ODAM: variants seen among roughly 807,000 people sequenced by gnomAD.
The protein encoded by ODAM is odontogenic, ameloblast associated, also known as odontogenic ameloblast-associated protein.
In ODAM, 55 loss-of-function variants were observed where a neutral mutation model predicts 48.5. The ratio of observed to expected loss-of-function variants is 1.13; its 90% CI spans 0.91 to 1.42. The LOEUF is 1.42. Among genes scored for constraint, ODAM ranks in the 40% most tolerant of loss-of-function variants. The probability of loss-of-function intolerance (pLI) is 0.00; values close to 1 mark genes in which losing one functional copy is unlikely to be tolerated. For missense variants in ODAM, 353 were observed against 323.6 expected, an observed-to-expected ratio of 1.09 and a Z score of -0.70; for synonymous variants, 127 against 107.8, an observed-to-expected ratio of 1.18 and a Z score of -1.10.
chr4:70,198,450 G>A, intron 5 of ODAM, 129 bp from the exon 6 acceptor site: 3 of 726,742 alleles, frequency 4.1e-6, no homozygotes, highest in Non-Finnish European at 4.5e-6. Flanking sequence ...TGTAACGGAT[G>A]ACTTTTTGTT....
At chr4:70,197,705 A>G in intron 4 of ODAM, 5 of 587,872 alleles carry the variant, frequency 8.5e-6, no homozygotes, top group South Asian at 4.2e-5. Flanking sequence ...TCTTTTATCA[A>G]CCTTATCCTG....
chr4:70,198,046 A>C lies in ODAM; in HGVS notation c.264A>C (p.Pro88=), dbSNP rs1472329392. Residue 88 remains proline, a synonymous_variant, in exon 5 of 12, where the codon CCA becomes CCC. Coordinates refer to ENST00000683306, the MANE Select transcript of ODAM (RefSeq NM_017855.4). The stretch of plus-strand genomic sequence containing the variant: ...TAGACCAGTTTGCTGGACTGCTCCC[A>C]AATCAGATACCCTTAACAGGAGAGG... ...SALDQFAGLL[P]NQIPLTGEAS... 1 of 1,613,328 alleles carries C rather than the reference A, an allele frequency of 6.2e-7. No homozygotes were observed. Among genetic ancestry groups the C allele is most frequent in the South Asian group, 1.1e-5 (1 of 91,084 alleles).
intron 9 of ODAM, among the ~76,000 whole-genome samples, 193 bp from the exon 10 acceptor site, chr4:70,202,563 T>C (rs571453305): frequency 1.3e-5 from 2 of 151,924 alleles, no homozygotes; most frequent in African/African-American, 4.8e-5. Context: ...AAAGCAGATA[T>C]TAAGAGACAA....
Position 70,197,319 on chromosome 4 carries a change from CA to C in ODAM, c.140del (p.Gln47ArgfsTer34). On this transcript the variant is annotated frameshift_variant and splice_region_variant, in exon 4 of 12. Coordinates refer to ENST00000683306, the MANE Select transcript of ODAM (RefSeq NM_017855.4). LOFTEE classifies it high-confidence loss of function. ...TGGTCAACTTTTGCCACTACAACTT[CA>C]GGTACCTCCATTTCAATAATTACTT... ...NNGQLLPLQL[Q>X]GPLNSWIPPF... is the part of the protein sequence containing the mutation. 7.0e-7 allele frequency: 1 copy of C among 1,426,938 alleles called. No homozygotes were observed. The highest frequency in any genetic ancestry group is 9.9e-7 in the Non-Finnish European group (1 of 1,011,590). 88.4% of individuals were successfully genotyped at this position (1,426,938 alleles called of 1,614,324 possible).
intron 7 of ODAM, among the ~76,000 whole-genome samples, chr4:70,201,194 C>G (rs1453570466): frequency 1.3e-5 from 2 of 151,576 alleles, no homozygotes; most frequent in Non-Finnish European, 2.9e-5. Flanking sequence ...CAGAATTATG[C>G]TTTAAAAAAC....
chr4:70,197,108 T>C (rs1387334646), intron 3 of ODAM, among the ~76,000 whole-genome samples, 166 bp from the exon 4 acceptor site: 1 of 152,058 alleles, frequency 6.6e-6, no homozygotes, highest in Non-Finnish European at 1.5e-5. Flanking sequence ...GTTTTAAATC[T>C]AACTTCTAAT....
At chr4:70,199,451 T>C (rs1729449915) in intron 6 of ODAM, among the ~76,000 whole-genome samples, 1 of 152,148 alleles carries the variant, frequency 6.6e-6, no homozygotes, top group Middle Eastern at 3.4e-3. Context: ...GAATTAGATG[T>C]ATAACTAGAA....
intron 10 of ODAM, 114 bp from the exon 11 acceptor site, chr4:70,203,042 G>A (rs897539755): frequency 3.1e-6 from 4 of 1,291,638 alleles, no homozygotes; most frequent in Admixed American, 2.1e-5. Context: ...TGAAAAATAT[G>A]TGGTCTTAAC....
chr4:70,197,658 C>T (rs1008198555), intron 4 of ODAM: 35 of 543,512 alleles, frequency 6.4e-5, no homozygotes, highest in Non-Finnish European at 1.0e-4. Context: ...AAAATACAGA[C>T]GGTTTAAAAC....
At chr4:70,198,294 G>T (rs529273374) in intron 5 of ODAM, 137 bp downstream of exon 5, 1 of 744,600 alleles carries the variant, frequency 1.3e-6, no homozygotes, top group East Asian at 2.8e-5. Flanking sequence ...TACCATCGCT[G>T]TAAGTTCTTT....
chr4:70,201,791 A>T, intron 8 of ODAM, among the ~76,000 whole-genome samples: 1 of 151,952 alleles, frequency 6.6e-6, no homozygotes, highest in Non-Finnish European at 1.5e-5. Context: ...TCTCAAAAGT[A>T]GGGTAGCTCT....
At chr4:70,200,652 A>C in intron 7 of ODAM, 51 bp downstream of exon 7, 1 of 1,212,890 alleles carries the variant, frequency 8.2e-7, no homozygotes, top group Non-Finnish European at 1.2e-6. Flanking sequence ...GAAAATAGAG[A>C]AAATAAGGTA....
Position 70,197,969 on chromosome 4 carries a change from CA to C in ODAM, c.188del (p.Gln63ArgfsTer18). 1 of 1,613,012 alleles carries C rather than the reference CA, an allele frequency of 6.2e-7. No homozygotes were observed. Among genetic ancestry groups the C allele is most frequent in the Non-Finnish European group, 8.5e-7 (1 of 1,179,296 alleles). On this transcript the variant is annotated frameshift_variant, in exon 5 of 12. Transcript: ENST00000683306. LOFTEE classifies it high-confidence loss of function. The part of the protein sequence containing the change: ...WIPPFSGILQ[Q>X]QQQAQIPGLS... Reference sequence around the variant, plus strand: ...TCCACCTTTCTCTGGAATTTTACAACAGCAGCAGCAGGCTCAAATTCCAGGA... The same window carrying C: ...TCCACCTTTCTCTGGAATTTTACAACGCAGCAGCAGGCTCAAATTCCAGGA...
chr4:70,203,219 G>C lies in ODAM; in HGVS notation c.*29+5G>C. On this transcript the variant is annotated splice_donor_5th_base_variant and intron_variant, in intron 11 of 11. Coordinates refer to ENST00000683306, the MANE Select transcript of ODAM (RefSeq NM_017855.4). ...CCTGATCATTCAGACATTTTGGTAG[G>C]TATTTGCCAAAGTCAAGAATTAGGT... 6.5e-7 allele frequency: 1 copy of C among 1,549,122 alleles called. No homozygotes were observed.
intron 6 of ODAM, among the ~76,000 whole-genome samples, 166 bp downstream of exon 6, chr4:70,198,792 G>T (rs564130678): frequency 1.3e-5 from 2 of 151,900 alleles, no homozygotes; most frequent in African/African-American, 2.4e-5. Context: ...TTGATGTTGG[G>T]CTCACTTAAC....
At chr4:70,196,382 C>G in intron 1 of ODAM, 147 bp from the exon 2 acceptor site, 1 of 517,678 alleles carries the variant, frequency 1.9e-6, no homozygotes, top group South Asian at 3.6e-5. Flanking sequence ...AATTTACAAA[C>G]ATAACTTTTT....
chr4:70,200,671 T>A, intron 7 of ODAM, 70 bp downstream of exon 7: 1 of 1,028,382 alleles, frequency 9.7e-7, no homozygotes, highest in Admixed American at 2.5e-5. Flanking sequence ...TATATTACCA[T>A]AGAAAAAAAG....
intron 1 of ODAM, 147 bp downstream of exon 1, chr4:70,195,940 A>G (rs1729346634): frequency 6.2e-6 from 1 of 161,240 alleles, no homozygotes; most frequent in South Asian, 2.0e-4. Flanking sequence ...GACAAGAGAA[A>G]TATACTTAAA....
chr4:70,203,548 T>C (rs1729554330), intron 11 of ODAM, among the ~76,000 whole-genome samples: 1 of 151,882 alleles, frequency 6.6e-6, no homozygotes, highest in South Asian at 2.1e-4. Flanking sequence ...CAAGTAAACA[T>C]TGTAATAATT....
Sources: gnomAD v4.1 joint callset for allele counts (sites outside exome capture counted in the v4.1 genomes callset) on GRCh38, gnomAD v4.1.1 for gene constraint, MANE v1.5 for transcripts, NCBI Gene and HGNC (gene_info 2026-07-23, HGNC 2026-07-21) for gene names.